GPHN: variants seen among roughly 807,000 people sequenced by gnomAD.
The protein encoded by GPHN is gephyrin.
In GPHN, 17 loss-of-function variants were observed where a neutral mutation model predicts 95.5. The ratio of observed to expected loss-of-function variants is 0.18; its 90% CI spans 0.12 to 0.27. The LOEUF (loss-of-function observed/expected upper bound fraction) is 0.27. GPHN is among the 10% of genes least tolerant of loss of function. The probability of loss-of-function intolerance (pLI) is 1.00; values close to 1 mark genes in which losing one functional copy is unlikely to be tolerated. For synonymous variants in GPHN, 320 were observed against 322.5 expected, an observed-to-expected ratio of 0.99 and a Z score of 0.08; for missense variants, 660 against 978.1, an observed-to-expected ratio of 0.67 and a Z score of 4.34.
At chr14:67,729,502 G>A in the GPHN span, 3 of 939,322 alleles carry the variant, frequency 3.2e-6, no homozygotes, top group South Asian at 2.7e-5. Flanking sequence ...TTTGGGTTGG[G>A]CCTGCAAACA....
the GPHN span, among the ~76,000 whole-genome samples, chr14:67,246,604 G>A: frequency 6.7e-6 from 1 of 150,226 alleles, no homozygotes; most frequent in East Asian, 2.0e-4. Context: ...ACCTCCAAAA[G>A]TGCTAGGATT....
chr14:66,988,800 A>G (rs2071200935), intron 9 of GPHN, among the ~76,000 whole-genome samples: 1 of 152,072 alleles, frequency 6.6e-6, no homozygotes, highest in Non-Finnish European at 1.5e-5. Flanking sequence ...TTTGGTATAA[A>G]TGTAGCAGAA....
At chr14:67,102,115 G>T (rs959653489) in intron 13 of GPHN, among the ~76,000 whole-genome samples, 1 of 151,472 alleles carries the variant, frequency 6.6e-6, no homozygotes, top group Non-Finnish European at 1.5e-5. Context: ...CTCGTGATCC[G>T]CCCGCCTCGG....
chr14:67,050,624 C>T (rs950351998), intron 10 of GPHN, among the ~76,000 whole-genome samples: 4 of 152,024 alleles, frequency 2.6e-5, no homozygotes, highest in African/African-American at 7.3e-5. Context: ...AGAGATTATT[C>T]CTGCCAGTAG....
the GPHN span, among the ~76,000 whole-genome samples, chr14:67,209,769 G>A: frequency 7.0e-6 from 1 of 142,988 alleles, no homozygotes; most frequent in East Asian, 2.2e-4. Context: ...AGTGAGCCGA[G>A]ATCGTGCCAT....
intron 8 of GPHN, among the ~76,000 whole-genome samples, chr14:66,932,444 GTTT>G (rs35159325): frequency 2.5e-3 from 62 of 24,356 alleles, no homozygotes; most frequent in African/African-American, 9.3e-3. Context: ...CCAAGACCAG[GTTT>G]TTTTTTTTTT....
chr14:67,531,267 A>T, the GPHN span, among the ~76,000 whole-genome samples: 1 of 152,166 alleles, frequency 6.6e-6, no homozygotes, highest in Non-Finnish European at 1.5e-5. Flanking sequence ...CAACAGAGCA[A>T]GATCTTATCT....
intron 11 of GPHN, among the ~76,000 whole-genome samples, chr14:67,082,787 A>G (rs1595064909): frequency 6.6e-6 from 1 of 152,170 alleles, no homozygotes; most frequent in East Asian, 1.9e-4. Context: ...TCTTTCAGCA[A>G]TGTTTAGTAG....
At chr14:67,445,277 A>T in the GPHN span, among the ~76,000 whole-genome samples, 1 of 152,062 alleles carries the variant, frequency 6.6e-6, no homozygotes, top group South Asian at 2.1e-4. Context: ...GCCAGGCAAA[A>T]GTGTGGGTGT....
At chr14:67,600,149 G>A in the GPHN span, 1 of 1,592,766 alleles carries the variant, frequency 6.3e-7, no homozygotes, top group Non-Finnish European at 8.5e-7. Context: ...TAGTAGCGGC[G>A]CTGCAGCGCC....
intron 3 of GPHN, among the ~76,000 whole-genome samples, chr14:66,786,815 A>G (rs908337612): frequency 1.2e-4 from 18 of 152,122 alleles, no homozygotes; most frequent in Admixed American, 3.3e-4. Flanking sequence ...GCATCTGACA[A>G]AATTCAAAAC....
the GPHN span, among the ~76,000 whole-genome samples, chr14:67,399,635 A>C: frequency 1.6e-5 from 2 of 127,718 alleles, no homozygotes; most frequent in East Asian, 3.0e-4. Context: ...AGAGAAGGGT[A>C]GTTTAGGTGG....
At chr14:67,480,465 A>G in the GPHN span, among the ~76,000 whole-genome samples, 1 of 152,120 alleles carries the variant, frequency 6.6e-6, no homozygotes, top group Non-Finnish European at 1.5e-5. Flanking sequence ...CGAGGGGCAG[A>G]CTTGAAAAGA....
chr14:66,594,662 A>G (rs1401857931), intron 1 of GPHN, among the ~76,000 whole-genome samples: 1 of 152,232 alleles, frequency 6.6e-6, no homozygotes, highest in African/African-American at 2.4e-5. Context: ...ATATATATAA[A>G]TCATCTCAAA....
At chr14:66,762,390 C>G (rs567680250) in intron 2 of GPHN, among the ~76,000 whole-genome samples, 3 of 151,974 alleles carry the variant, frequency 2.0e-5, no homozygotes, top group Non-Finnish European at 4.4e-5. Context: ...ACTGGCCAAC[C>G]TATGTGAAAG....
chr14:67,629,413 G>A, the GPHN span, among the ~76,000 whole-genome samples: 33 of 152,342 alleles, frequency 2.2e-4, no homozygotes, highest in Middle Eastern at 3.4e-3. Context: ...ATTATGCTAA[G>A]TGAAATAAGC....
intron 9 of GPHN, among the ~76,000 whole-genome samples, chr14:66,995,755 G>A (rs1176509095): frequency 1.3e-5 from 2 of 152,152 alleles, no homozygotes; most frequent in Non-Finnish European, 2.9e-5. Flanking sequence ...TCAGAATACT[G>A]GCTTTGGTGC....
At chr14:67,312,407 G>A in the GPHN span, 3 of 648,382 alleles carry the variant, frequency 4.6e-6, no homozygotes, top group Non-Finnish European at 7.1e-6. Context: ...CTGAGATGCT[G>A]TCTCTATTAA....
the GPHN span, chr14:67,474,005 C>A: frequency 6.9e-7 from 1 of 1,456,774 alleles, no homozygotes; most frequent in African/African-American, 1.4e-5. Flanking sequence ...ATAATCCCTG[C>A]GCTTTGGGAG....
Sources: allele counts gnomAD v4.1 joint callset (sites outside exome capture counted in the v4.1 genomes callset), GRCh38; gene constraint gnomAD v4.1.1; transcripts MANE v1.5; gene names NCBI Gene and HGNC (gene_info 2026-07-23, HGNC 2026-07-21).